Variants in TRPM3 observed in about 807,000 individuals in gnomAD.
The protein encoded by TRPM3 is transient receptor potential cation channel subfamily M member 3, also known as long transient receptor potential channel 3.
A neutral mutation model predicts 181.2 loss-of-function variants in TRPM3; 77 were observed. The observed-to-expected ratio is 0.42, with a 90% CI of 0.35 to 0.51. TRPM3 has a LOEUF of 0.51. Ranked by LOEUF, TRPM3 falls within the 20% of genes least tolerant of loss-of-function variation. TRPM3 has a pLI of 0.01. For synonymous variants in TRPM3, 745 were observed against 796.4 expected (o/e 0.94, Z 1.09); for missense variants, 1,759 against 2,196.7 (o/e 0.80, Z 3.98).
At chr9:71,362,568 T>C (rs952924016) in intron 1 of TRPM3, among the ~76,000 whole-genome samples, 6 of 152,306 alleles carry the variant, frequency 3.9e-5, no homozygotes, top group South Asian at 2.1e-4. Context: ...AGTATACTTA[T>C]ACACTCTAAA....
At chr9:70,915,342 G>A (rs2096581164) in intron 1 of TRPM3, among the ~76,000 whole-genome samples, 1 of 151,756 alleles carries the variant, frequency 6.6e-6, no homozygotes, top group East Asian at 1.9e-4. Context: ...CTGTCGCCCA[G>A]GCTGGAGTGC....
chr9:71,192,264 G>C (rs2078076872), intron 1 of TRPM3, among the ~76,000 whole-genome samples: 1 of 151,794 alleles, frequency 6.6e-6, no homozygotes, highest in Admixed American at 6.6e-5. Flanking sequence ...CCTGAGAAGA[G>C]AGTTTGAATG....
rs574329040 is a variant in TRPM3, at chr9:71,069,916, T to C, written c.177+51262A>G. ...AGCCACAGTGCCCAGCGAAAATTAA[T>C]TTTTTTAAAAAAGGTACTTTAGTGA... On this transcript the variant is annotated intron_variant, in intron 1 of 25. Coordinates refer to ENST00000677713, the MANE Select transcript of TRPM3 (RefSeq NM_001366145.2). Among the ~76,000 whole-genome samples the C allele has an allele frequency of 4.4e-5, 4 of 91,796 alleles. No individual in the cohort carries two copies. In the South Asian group the frequency reaches 1.2e-3, roughly 27 times the overall value. The allele number at this position is 91,796 out of a possible 152,430, so 60.2% of individuals were successfully genotyped here.
intron 1 of TRPM3, among the ~76,000 whole-genome samples, chr9:71,217,349 C>T (rs954708317): frequency 2.0e-5 from 3 of 152,122 alleles, no homozygotes; most frequent in African/African-American, 7.2e-5. Context: ...CAACAGTCAG[C>T]TTGTTACACT....
intron 1 of TRPM3, among the ~76,000 whole-genome samples, chr9:71,315,908 T>G (rs2088541664): frequency 6.6e-6 from 1 of 152,200 alleles, no homozygotes; most frequent in African/African-American, 2.4e-5. Context: ...AAAATTTGGT[T>G]TATAGTTTGG....
intron 1 of TRPM3, among the ~76,000 whole-genome samples, chr9:70,972,639 GTTC>G (rs1015666642): frequency 1.3e-5 from 2 of 152,024 alleles, no homozygotes; most frequent in African/African-American, 4.8e-5. Flanking sequence ...ACTCAAAAAA[GTTC>G]TTCTTTTACT....
chr9:70,815,503 A>G (rs1310471857), intron 6 of TRPM3, among the ~76,000 whole-genome samples: 1 of 152,204 alleles, frequency 6.6e-6, no homozygotes, highest in Non-Finnish European at 1.5e-5. Context: ...CTATATATAC[A>G]TAATGACACT....
intron 1 of TRPM3, among the ~76,000 whole-genome samples, chr9:71,004,689 A>G (rs1010761351): frequency 6.6e-6 from 1 of 152,256 alleles, no homozygotes; most frequent in Non-Finnish European, 1.5e-5. Flanking sequence ...GTCCTCTTAA[A>G]GAAGTTTAGG....
chr9:71,032,602 A>G (rs534749575), intron 1 of TRPM3, among the ~76,000 whole-genome samples: 2 of 152,312 alleles, frequency 1.3e-5, no homozygotes, highest in Non-Finnish European at 2.9e-5. Flanking sequence ...TTTGCATTAT[A>G]AAATTCCACT....
intron 3 of TRPM3, among the ~76,000 whole-genome samples, chr9:70,851,111 G>A (rs1403863287): frequency 6.6e-6 from 1 of 152,092 alleles, no homozygotes; most frequent in Non-Finnish European, 1.5e-5. Flanking sequence ...TCTAGCCACT[G>A]CGCCACTACA....
chr9:70,642,046 C>T (rs544118418), intron 9 of TRPM3, among the ~76,000 whole-genome samples: 2 of 152,302 alleles, frequency 1.3e-5, no homozygotes, highest in East Asian at 1.9e-4. Context: ...GGAAGAGACA[C>T]CCCTAAATAA....
At chr9:70,614,287 G>A (rs563218497) in intron 18 of TRPM3, among the ~76,000 whole-genome samples, 47 of 149,428 alleles carry the variant, frequency 3.1e-4, no homozygotes, top group Admixed American at 8.1e-4. Flanking sequence ...TTGAAACCAG[G>A]AGTTCAAGAT....
intron 19 of TRPM3, among the ~76,000 whole-genome samples, chr9:70,609,225 C>T (rs1467959748): frequency 1.3e-5 from 2 of 152,202 alleles, no homozygotes; most frequent in African/African-American, 4.8e-5. Flanking sequence ...GATTCCCACC[C>T]AGGCTGTCTG....
At chr9:70,570,302 G>GTTTTTTT (rs142779238) in intron 22 of TRPM3, among the ~76,000 whole-genome samples, 3 of 68,396 alleles carry the variant, frequency 4.4e-5, no homozygotes, top group African/African-American at 6.7e-5. Context: ...TATTACTAGA[G>GTTTTTTT]TTTTTTTTTT....
At chr9:71,315,633 TATTAAA>T (rs1448701396) in intron 1 of TRPM3, among the ~76,000 whole-genome samples, 2 of 152,200 alleles carry the variant, frequency 1.3e-5, no homozygotes, top group African/African-American at 4.8e-5. Context: ...CCAGCTCATT[TATTAAA>T]ATCAATTTAA....
chr9:70,769,335 C>T (rs1257161728), intron 7 of TRPM3, among the ~76,000 whole-genome samples: 1 of 152,130 alleles, frequency 6.6e-6, no homozygotes, highest in Non-Finnish European at 1.5e-5. Context: ...TTGGACTATT[C>T]TGTAGTCCTG....
chr9:70,667,038 T>C (rs537517102), intron 9 of TRPM3, among the ~76,000 whole-genome samples: 180 of 152,194 alleles, frequency 1.2e-3, no homozygotes, highest in South Asian at 3.5e-3. Context: ...CTGAGGCTAT[T>C]AAAGACAGTA....
At chr9:70,567,241 A>G (rs1191835941) in intron 22 of TRPM3, among the ~76,000 whole-genome samples, 1 of 152,260 alleles carries the variant, frequency 6.6e-6, no homozygotes. Flanking sequence ...AGTTTCACTC[A>G]ACAATGACAC....
At chr9:70,587,210 T>C (rs769562781) in intron 22 of TRPM3, among the ~76,000 whole-genome samples, 22 of 152,186 alleles carry the variant, frequency 1.4e-4, no homozygotes, top group Non-Finnish European at 3.2e-4. Context: ...TAAGTTGTCA[T>C]GGTAGAAAGT....
Sources: allele counts gnomAD v4.1 joint callset (sites outside exome capture counted in the v4.1 genomes callset), GRCh38; gene constraint gnomAD v4.1.1; transcripts MANE v1.5; gene names NCBI Gene and HGNC (gene_info 2026-07-23, HGNC 2026-07-21).